DDX31: variants seen among roughly 807,000 people sequenced by gnomAD.
The protein encoded by DDX31 is ATP-dependent DNA helicase DDX31.
Under a neutral mutation model 91.3 loss-of-function variants are expected in DDX31, and 70 were observed. The observed-to-expected ratio is 0.77, with a 90% CI of 0.63 to 0.94. The LOEUF is 0.94. Ranked by LOEUF, DDX31 falls within the 40% of genes least tolerant of loss-of-function variation. The pLI is 0.00. For missense variants in DDX31, 902 were observed against 925.0 expected, an observed-to-expected ratio of 0.98 and a Z score of 0.32; for synonymous variants, 362 against 350.6, an observed-to-expected ratio of 1.03 and a Z score of -0.36.
At chr9:132,611,156 C>T (rs2119289006) in intron 19 of DDX31, among the ~76,000 whole-genome samples, 1 of 152,272 alleles carries the variant, frequency 6.6e-6, no homozygotes, top group South Asian at 2.1e-4. Context: ...AGTGGGGGAG[C>T]CTGCGGCGTT....
At position 132,647,008 on chromosome 9, in the gene DDX31, C is replaced by T; in HGVS notation, c.1018G>A (p.Val340Ile). The T allele has an allele frequency of 6.2e-7, 1 of 1,614,164 alleles. No individual in the cohort carries two copies. The highest frequency in any genetic ancestry group is 8.5e-7 in the Non-Finnish European group (1 of 1,180,032). The change falls in exon 12 of 20, where the codon GTC becomes ATC. Residue 340 changes from valine to isoleucine, a missense_variant. By Grantham distance (29) the Val-to-Ile change is conservative. Coordinates refer to ENST00000372159, the MANE Select transcript of DDX31 (RefSeq NM_022779.9). ...ISLHDPVSISVLDKSHDQLNP... is the reference protein window; with the variant it reads ...ISLHDPVSISILDKSHDQLNP... ...AACTGGTCATGGCTCTTGTCCAGGA[C>T]AGAAATACTGACTGGATCATGCAAA...
chr9:132,652,622 T>C (rs990693295), intron 6 of DDX31, 130 bp from the exon 7 acceptor site: 13 of 1,191,474 alleles, frequency 1.1e-5, no homozygotes, highest in East Asian at 2.5e-5. Context: ...CAAAATAAGG[T>C]TGCCCACTGA....
rs1052525855 is a variant in DDX31 at position 132,595,327 on chromosome 9, T to C, written c.1995-215A>G. On this transcript the variant is annotated intron_variant, in intron 19 of 19. Coordinates refer to ENST00000372159, the MANE Select transcript of DDX31 (RefSeq NM_022779.9). This position sits in a 1 kb window ranked among gnomAD's most constrained non-coding sequence, Gnocchi z 4.6. ...TTTTCATAACAGCGGCAAAATATCATGGCATTTTTAAAAGTGAGGCTTTGT... is the reference window on the plus strand; with the variant it reads ...TTTTCATAACAGCGGCAAAATATCACGGCATTTTTAAAAGTGAGGCTTTGT... Among the ~76,000 whole-genome samples, 3 of 152,160 alleles carry C rather than the reference T, an allele frequency of 2.0e-5. No homozygotes were observed. Among genetic ancestry groups the C allele is most frequent in the African/African-American group, 7.2e-5 (3 of 41,434 alleles).
chr9:132,652,443 C>G lies in DDX31; in HGVS notation c.633+5G>C. The G allele has an allele frequency of 6.2e-7, 1 of 1,614,160 alleles. No homozygotes were observed. The highest frequency in any genetic ancestry group is 1.1e-5 in the South Asian group (1 of 91,066). ...AAAACTTGTCCCAAAAGGGAGCCTG[C>G]TTACCTCTCTCGTTGGCACGAGCAC... On this transcript the variant is annotated splice_donor_5th_base_variant and intron_variant, in intron 7 of 19. Coordinates refer to ENST00000372159, the MANE Select transcript of DDX31 (RefSeq NM_022779.9).
chr9:132,661,111 C>A, intron 4 of DDX31, 97 bp downstream of exon 4: 1 of 1,056,378 alleles, frequency 9.5e-7, no homozygotes, highest in Non-Finnish European at 1.5e-6. Context: ...TGTGTTCCAA[C>A]GCCAAGACAC....
At chr9:132,627,824 C>T (rs925070472) in intron 16 of DDX31, among the ~76,000 whole-genome samples, 2 of 152,204 alleles carry the variant, frequency 1.3e-5, no homozygotes, top group African/African-American at 2.4e-5. Flanking sequence ...CCGAGAGCCT[C>T]GGCCTGCCTT....
At chr9:132,597,083 G>C (rs1208085228) in intron 19 of DDX31, among the ~76,000 whole-genome samples, 1 of 152,144 alleles carries the variant, frequency 6.6e-6, no homozygotes, top group African/African-American at 2.4e-5. Context: ...AGGAAACTGA[G>C]GTCTGGAGAT....
At chr9:132,657,547 C>T (rs1213733806) in intron 6 of DDX31, among the ~76,000 whole-genome samples, 2 of 152,200 alleles carry the variant, frequency 1.3e-5, no homozygotes, top group East Asian at 3.8e-4. Context: ...TTTGAACTCA[C>T]GGATATTTTG....
At chr9:132,657,364 A>C (rs1011070014) in intron 6 of DDX31, among the ~76,000 whole-genome samples, 1 of 152,198 alleles carries the variant, frequency 6.6e-6, no homozygotes. Flanking sequence ...CAACACTTTC[A>C]TCCACTCATT....
chr9:132,643,228 G>A (rs968295522), intron 13 of DDX31, among the ~76,000 whole-genome samples: 3 of 152,084 alleles, frequency 2.0e-5, no homozygotes, highest in Non-Finnish European at 2.9e-5. Flanking sequence ...AAACAGACTC[G>A]CTGGACCAAA....
rs746543127 is a variant in DDX31, at chr9:132,612,158, G to A, written c.1923C>T (p.Ser641=). 54 of 1,614,086 alleles carry A rather than the reference G, an allele frequency of 3.3e-5. No individual in the cohort carries two copies. Among genetic ancestry groups the A allele is most frequent in the Non-Finnish European group, 4.2e-5 (50 of 1,180,042 alleles). ...TCCTGGGGGCATCTCTTAGTCCGAA[G>A]CTCTTCGCCACATGCCCAAGGTGGA... ...RSLHLGHVAK[S]FGLRDAPRNL... The change falls in exon 19 of 20, where the codon AGC becomes AGT. Residue 641 remains serine, a synonymous_variant. Coordinates refer to ENST00000372159, the MANE Select transcript of DDX31 (RefSeq NM_022779.9).
chr9:132,611,790 C>G (rs1267900167), intron 19 of DDX31, among the ~76,000 whole-genome samples: 1 of 151,936 alleles, frequency 6.6e-6, no homozygotes, highest in African/African-American at 2.4e-5. Context: ...CCTCGTCACA[C>G]AGAACACACC....
intron 6 of DDX31, chr9:132,658,432 C>T (rs537641358): frequency 4.7e-5 from 33 of 695,210 alleles, no homozygotes; most frequent in Middle Eastern, 4.6e-4. Flanking sequence ...GCCTGACACA[C>T]GGGGAGCATC....
intron 19 of DDX31, among the ~76,000 whole-genome samples, chr9:132,602,669 T>C (rs1350813049): frequency 1.3e-5 from 2 of 152,186 alleles, no homozygotes; most frequent in Non-Finnish European, 2.9e-5. Context: ...CCCCAAAGAA[T>C]AGAAAACATC....
At chr9:132,665,415 C>G (rs759985158) in intron 1 of DDX31, among the ~76,000 whole-genome samples, 5 of 152,114 alleles carry the variant, frequency 3.3e-5, no homozygotes, top group Non-Finnish European at 5.9e-5. Context: ...AGGCATAAAT[C>G]CAACCTCTAC....
intron 4 of DDX31, among the ~76,000 whole-genome samples, chr9:132,660,591 A>C (rs140629739): frequency 6.6e-6 from 1 of 152,188 alleles, no homozygotes; most frequent in Admixed American, 6.5e-5. Context: ...AAGAAACAAA[A>C]GAGACACAAA....
At chr9:132,628,139 A>G (rs1401251381) in intron 16 of DDX31, among the ~76,000 whole-genome samples, 2 of 152,258 alleles carry the variant, frequency 1.3e-5, no homozygotes, top group African/African-American at 4.8e-5. Context: ...ACTGCAACGT[A>G]ATAACCCAGA....
chr9:132,664,617 G>A (rs1835190775), intron 1 of DDX31, among the ~76,000 whole-genome samples: 2 of 151,722 alleles, frequency 1.3e-5, no homozygotes, highest in South Asian at 4.2e-4. Flanking sequence ...GCTAAGTTGG[G>A]GGCATCACCT....
intron 6 of DDX31, among the ~76,000 whole-genome samples, chr9:132,656,833 G>A (rs1032574286): frequency 1.2e-4 from 18 of 152,222 alleles, no homozygotes; most frequent in Admixed American, 5.9e-4. Context: ...GAGTACGTAA[G>A]TGGATGAGAC....
Sources: gnomAD v4.1 joint callset for allele counts (sites outside exome capture counted in the v4.1 genomes callset) on GRCh38, gnomAD v4.1.1 for gene constraint, Gnocchi (gnomAD v3.1) non-coding constraint, MANE v1.5 for transcripts, NCBI Gene and HGNC (gene_info 2026-07-23, HGNC 2026-07-21) for gene names.